Variants in HECW1 observed in about 807,000 individuals in gnomAD.
HECW1 encodes the protein HECT, C2 and WW domain containing E3 ubiquitin protein ligase 1, also known as E3 ubiquitin-protein ligase HECW1.
HECW1 carries 61 observed loss-of-function variants against 182.3 expected under a neutral mutation model. The ratio of observed to expected loss-of-function variants is 0.33; its 90% confidence interval spans 0.27 to 0.41. The LOEUF is 0.41. Ranked by LOEUF, HECW1 falls within the 10% of genes least tolerant of loss-of-function variation. The probability of loss-of-function intolerance (pLI) is 1.00; values close to 1 mark genes in which losing one functional copy is unlikely to be tolerated. For synonymous variants in HECW1, 859 were observed against 832.6 expected (o/e 1.03, Z -0.55); for missense variants, 1,739 against 2,108.9 (o/e 0.82, Z 3.44).
intron 3 of HECW1, among the ~76,000 whole-genome samples, chr7:43,266,524 C>T (rs1025225960): frequency 4.6e-5 from 7 of 152,008 alleles, no homozygotes; most frequent in African/African-American, 9.7e-5. Flanking sequence ...TTAATAGAGA[C>T]GGAGTTTCAC....
At chr7:43,427,094 G>A (rs1020629767) in intron 8 of HECW1, among the ~76,000 whole-genome samples, 5 of 152,034 alleles carry the variant, frequency 3.3e-5, no homozygotes, top group African/African-American at 1.2e-4. Flanking sequence ...ATTTGAAAAT[G>A]TTTTTATTTT....
intron 16 of HECW1, among the ~76,000 whole-genome samples, chr7:43,471,418 A>G (rs1329906710): frequency 6.6e-6 from 1 of 152,212 alleles, no homozygotes; most frequent in Non-Finnish European, 1.5e-5. Context: ...TTCTTGCTTT[A>G]TCTACACATT....
chr7:43,438,566 T>C (rs1403264273), intron 9 of HECW1: 1 of 152,804 alleles, frequency 6.5e-6, no homozygotes, highest in Non-Finnish European at 1.5e-5. Flanking sequence ...GTAACTACTG[T>C]AGAGTTTCTT....
In HECW1 at chr7:43,444,602, A is replaced by G; in HGVS notation, c.1430A>G (p.Glu477Gly). The G allele has an allele frequency of 6.2e-7, 1 of 1,610,948 alleles. No individual in the cohort carries two copies. Among genetic ancestry groups the G allele is most frequent in the Non-Finnish European group, 8.5e-7 (1 of 1,178,842 alleles). The change falls in exon 11 of 30, where the codon GAA (glutamate) becomes GGA (glycine). Residue 477 changes from glutamate (E) to glycine (G), a missense_variant. Coordinates refer to ENST00000395891, the MANE Select transcript of HECW1 (RefSeq NM_015052.5). This position sits in a 1 kb window ranked among gnomAD's most constrained non-coding sequence, Gnocchi z 4.3. ...EASALLLEDG[E>G]APASTKEEPL... is the part of the protein sequence containing the mutation. ...TCAGCACTGCTGCTGGAAGACGGTG[A>G]AGCCCCAGCCAGCACCAAGGAGGAG...
At chr7:43,403,973 C>T (rs1304762865) in intron 7 of HECW1, among the ~76,000 whole-genome samples, 1 of 152,130 alleles carries the variant, frequency 6.6e-6, no homozygotes, top group East Asian at 1.9e-4. Context: ...ATTAACTATT[C>T]TCCTTTAACG....
chr7:43,239,270 T>G (rs1798657586), intron 2 of HECW1: 2 of 152,234 alleles, frequency 1.3e-5, no homozygotes, highest in African/African-American at 4.8e-5. Flanking sequence ...AAATGTAATT[T>G]TCTGGTCTCT....
At chr7:43,506,274 T>C (rs2079572981) in intron 21 of HECW1, among the ~76,000 whole-genome samples, 1 of 152,204 alleles carries the variant, frequency 6.6e-6, no homozygotes, top group Admixed American at 6.5e-5. Flanking sequence ...CCTACTTACC[T>C]CATTATAGTT....
chr7:43,513,234 C>G (rs527267363), intron 24 of HECW1, among the ~76,000 whole-genome samples: 1 of 152,326 alleles, frequency 6.6e-6, no homozygotes, highest in South Asian at 2.1e-4. Flanking sequence ...GGTTTTAAAG[C>G]CCTTGCAAAG....
chr7:43,428,889 G>A (rs2076442560), intron 8 of HECW1, among the ~76,000 whole-genome samples: 1 of 151,862 alleles, frequency 6.6e-6, no homozygotes, highest in Non-Finnish European at 1.5e-5. Context: ...AAAGATGGGA[G>A]ATATACATAT....
At chr7:43,536,230 A>C (rs1350020506) in intron 24 of HECW1, among the ~76,000 whole-genome samples, 1 of 152,254 alleles carries the variant, frequency 6.6e-6, no homozygotes, top group African/African-American at 2.4e-5. Flanking sequence ...ACACATCTCT[A>C]ATTGATAAAT....
At chr7:43,454,889 CCTT>C (rs2077349968) in intron 12 of HECW1, among the ~76,000 whole-genome samples, 2 of 152,260 alleles carry the variant, frequency 1.3e-5, no homozygotes, top group South Asian at 2.1e-4. Flanking sequence ...TTTTGCTTTT[CCTT>C]CTTCTTCTTT....
chr7:43,113,504 G>T, intron 1 of HECW1: 1 of 169,836 alleles, frequency 5.9e-6, no homozygotes, highest in Non-Finnish European at 1.3e-5. Flanking sequence ...CCATGGACGG[G>T]TGCAGGAGGG....
intron 6 of HECW1, among the ~76,000 whole-genome samples, chr7:43,361,210 A>G (rs1036800165): frequency 2.6e-5 from 4 of 152,160 alleles, no homozygotes; most frequent in African/African-American, 9.7e-5. Flanking sequence ...CTCATGCTAC[A>G]CTTGTGTGTT....
At chr7:43,505,195 C>A (rs1012175136) in intron 21 of HECW1, among the ~76,000 whole-genome samples, 5 of 152,178 alleles carry the variant, frequency 3.3e-5, no homozygotes, top group Non-Finnish European at 7.3e-5. Flanking sequence ...TGCTCTTCCC[C>A]CACAAATGTG....
intron 24 of HECW1, chr7:43,510,355 T>A (rs891525199): frequency 6.6e-6 from 1 of 152,216 alleles, no homozygotes; most frequent in Admixed American, 6.5e-5. Flanking sequence ...AGATCATGAA[T>A]TGGAATCAGC....
intron 29 of HECW1, 90 bp from the exon 30 acceptor site, chr7:43,561,725 T>A: frequency 1.1e-6 from 1 of 879,596 alleles, no homozygotes; most frequent in South Asian, 1.6e-5. Flanking sequence ...TTTTGATTCC[T>A]TTTTGAATCA....
chr7:43,308,249 TA>T (rs1807998322), intron 3 of HECW1, among the ~76,000 whole-genome samples: 5 of 112,202 alleles, frequency 4.5e-5, no homozygotes, highest in Admixed American at 1.2e-4. Context: ...ATATAATATA[TA>T]TATATTATAT....
intron 2 of HECW1, among the ~76,000 whole-genome samples, chr7:43,128,596 G>C (rs76807719): frequency 0.031 from 4,733 of 152,288 alleles, 250 homozygotes; most frequent in African/African-American, 0.11. Context: ...TGCCTGCCAA[G>C]ATAACACATT....
At chr7:43,397,602 A>G (rs1239562815) in intron 7 of HECW1, among the ~76,000 whole-genome samples, 1 of 152,156 alleles carries the variant, frequency 6.6e-6, no homozygotes, top group Non-Finnish European at 1.5e-5. Context: ...CAGCGGGTGG[A>G]TCTCACCAAG....
Sources: gnomAD v4.1 joint callset for allele counts (sites outside exome capture counted in the v4.1 genomes callset) on GRCh38, gnomAD v4.1.1 for gene constraint, Gnocchi (gnomAD v3.1) non-coding constraint, MANE v1.5 for transcripts, NCBI Gene and HGNC (gene_info 2026-07-23, HGNC 2026-07-21) for gene names.